Variants in NAV3 observed in about 807,000 individuals in gnomAD.
The protein encoded by NAV3 is pore membrane and/or filament interacting like protein 1.
NAV3 carries 87 observed loss-of-function variants against 244.7 expected under a neutral mutation model. The ratio of observed to expected loss-of-function variants is 0.36; its 90% CI spans 0.30 to 0.42. The LOEUF is 0.42. Ranked by LOEUF, NAV3 falls within the 20% of genes least tolerant of loss-of-function variation. NAV3 has a pLI of 1.00. For synonymous variants in NAV3, 1,126 were observed against 1,042.2 expected, an observed-to-expected ratio of 1.08 and a Z score of -1.55; for missense variants, 2,663 against 2,893.3, an observed-to-expected ratio of 0.92 and a Z score of 1.83.
chr12:78,158,133 G>A (rs548631124), intron 22 of NAV3, among the ~76,000 whole-genome samples: 9 of 152,140 alleles, frequency 5.9e-5, no homozygotes, highest in African/African-American at 1.9e-4. Context: ...ATAAGTACAT[G>A]GAGATATATT....
chr12:77,883,181 G>A (rs1882873873), intron 1 of NAV3, among the ~76,000 whole-genome samples: 1 of 152,000 alleles, frequency 6.6e-6, no homozygotes, highest in Non-Finnish European at 1.5e-5. Context: ...GACATAGAGG[G>A]AACCTAAGAA....
intron 8 of NAV3, among the ~76,000 whole-genome samples, chr12:78,014,122 T>A (rs1875780661): frequency 6.6e-6 from 1 of 152,110 alleles, no homozygotes; most frequent in African/African-American, 2.4e-5. Context: ...AATAATTGGT[T>A]AATTACAGAG....
At chr12:78,194,937 C>G (rs538858179) in intron 34 of NAV3, among the ~76,000 whole-genome samples, 15 of 152,140 alleles carry the variant, frequency 9.9e-5, no homozygotes, top group Non-Finnish European at 1.5e-4. Flanking sequence ...TCTTTACATA[C>G]TATAAACAAA....
At position 77,998,337 on chromosome 12, in the gene NAV3, G is replaced by T; in HGVS notation, c.741G>T (p.Arg247Ser). Residue 247 changes from arginine to serine, a missense_variant and splice_region_variant, in exon 7 of 40, where the codon AGG (arginine) becomes AGT (serine). Physicochemically the swap from Arg to Ser is moderately radical, Grantham distance 110. Transcript: ENST00000397909. ...TGTAATTTTTCTTATACTATTTCAG[G>T]CTTCCAGGGCCCTCTAGGGTGCCTG... is the stretch of plus-strand genomic sequence containing the variant. Reference protein sequence around the residue: ...GIATSQKKPTRLPGPSRVPAA... With the variant: ...GIATSQKKPTSLPGPSRVPAA... 6.5e-7 allele frequency: 1 copy of T among 1,547,588 alleles called. No individual in the cohort carries two copies. The highest frequency in any genetic ancestry group is 8.7e-7 in the Non-Finnish European group (1 of 1,153,426).
chr12:78,112,435 T>C (rs1955145816), intron 12 of NAV3, among the ~76,000 whole-genome samples: 1 of 151,978 alleles, frequency 6.6e-6, no homozygotes, highest in Non-Finnish European at 1.5e-5. Context: ...AAGAAAGAGG[T>C]TTAATTGACT....
intron 12 of NAV3, chr12:78,091,545 C>T (rs1378053800): frequency 1.3e-5 from 2 of 152,012 alleles, no homozygotes; most frequent in Admixed American, 1.3e-4. Context: ...GCCTGTAATC[C>T]CAGCACTTTG....
intron 5 of NAV3, among the ~76,000 whole-genome samples, chr12:77,985,342 A>C (rs556584597): frequency 6.6e-6 from 1 of 152,292 alleles, no homozygotes; most frequent in South Asian, 2.1e-4. Context: ...AGAACACTGA[A>C]CTAAGTTTAG....
At chr12:77,642,660 T>A (rs573643462) in intron 2 of NAV3, among the ~76,000 whole-genome samples, 1 of 152,162 alleles carries the variant, frequency 6.6e-6, no homozygotes, top group Admixed American at 6.6e-5. Flanking sequence ...CTGTGCAGTT[T>A]AAAAGAAACT....
At chr12:77,743,162 T>C (rs1337750694) in intron 2 of NAV3, among the ~76,000 whole-genome samples, 1 of 152,018 alleles carries the variant, frequency 6.6e-6, no homozygotes, top group Non-Finnish European at 1.5e-5. Flanking sequence ...AAATGTATTT[T>C]CCCTTCCTTG....
At chr12:77,722,988 G>T (rs1387492763) in intron 2 of NAV3, among the ~76,000 whole-genome samples, 1 of 151,898 alleles carries the variant, frequency 6.6e-6, no homozygotes, top group Non-Finnish European at 1.5e-5. Context: ...TTTTTTGAGG[G>T]GCATGATTGT....
At chr12:77,611,074 T>C (rs998682162) in intron 2 of NAV3, among the ~76,000 whole-genome samples, 2 of 151,776 alleles carry the variant, frequency 1.3e-5, no homozygotes, top group East Asian at 1.9e-4. Flanking sequence ...ATTTTGAGTG[T>C]TTAATAATAT....
intron 2 of NAV3, among the ~76,000 whole-genome samples, chr12:77,703,919 T>C (rs974083179): frequency 2.6e-5 from 4 of 152,188 alleles, no homozygotes; most frequent in African/African-American, 9.6e-5. Context: ...TTAATATGAC[T>C]CCTGGCTTAC....
At position 78,154,283 on chromosome 12, in the gene NAV3, A is replaced by AATATATAGTATATAT. The variant is rs1565731085; in HGVS notation, c.4786-4920_4786-4919insATATATAGTATATAT. Among the ~76,000 whole-genome samples, 478 of 73,396 alleles carry AATATATAGTATATAT rather than the reference A, an allele frequency of 6.5e-3. 2 individuals carry two copies. Among genetic ancestry groups the AATATATAGTATATAT allele is most frequent in the African/African-American group, 0.019 (444 of 23,452 alleles). 48.2% of individuals were successfully genotyped at this position (73,396 alleles called of 152,430 possible). On this transcript the variant is annotated intron_variant, in intron 22 of 39. Transcript: ENST00000397909. ...TAATATATAGTATATATTACTATAT[A>AATATATAGTATATAT]TACTACTATATATTACTATATAATA...
At chr12:77,632,360 A>T (rs1219483499) in intron 2 of NAV3, among the ~76,000 whole-genome samples, 2 of 152,192 alleles carry the variant, frequency 1.3e-5, no homozygotes, top group African/African-American at 4.8e-5. Context: ...ATGGACTCAG[A>T]GTTCCACGTG....
rs901604923 is a variant in NAV3 at position 78,068,604 on chromosome 12, TATTATATATAATATATA to T, written c.2636+9502_2636+9518del. Among the ~76,000 whole-genome samples, 35 of 147,484 alleles carry T rather than the reference TATTATATATAATATATA, an allele frequency of 2.4e-4. 1 individual carries two copies. Among genetic ancestry groups the T allele is most frequent in the Admixed American group, 7.5e-4 (11 of 14,656 alleles). Reference sequence around the variant, plus strand: ...TAACAGTGTTTTGTTCTTTTATATATATTATATATAATATATAATTATATATAATTACATATATATAA... The same window carrying T: ...TAACAGTGTTTTGTTCTTTTATATATATTATATATAATTACATATATATAA... On this transcript the variant is annotated intron_variant, in intron 12 of 39. Transcript: ENST00000397909.
intron 1 of NAV3, among the ~76,000 whole-genome samples, chr12:77,870,215 A>G (rs1026074425): frequency 3.3e-5 from 5 of 151,886 alleles, no homozygotes; most frequent in African/African-American, 9.7e-5. Flanking sequence ...AAATACAAAA[A>G]TTACCTCAGT....
intron 2 of NAV3, among the ~76,000 whole-genome samples, chr12:77,636,885 C>G (rs1157003995): frequency 6.6e-6 from 1 of 152,004 alleles, no homozygotes; most frequent in Admixed American, 6.6e-5. Context: ...CAAACTAACA[C>G]AAGAACAGAA....
At chr12:77,603,398 A>G (rs1994670) in intron 2 of NAV3, among the ~76,000 whole-genome samples, 44,747 of 150,198 alleles carry the variant, frequency 0.3, 7,087 homozygotes, top group Middle Eastern at 0.43. Context: ...GTGGAATAAT[A>G]CACCTTGATC....
At chr12:77,733,763 A>C (rs944472515) in intron 2 of NAV3, among the ~76,000 whole-genome samples, 1 of 151,868 alleles carries the variant, frequency 6.6e-6, no homozygotes, top group Non-Finnish European at 1.5e-5. Flanking sequence ...TTCAAGGAGA[A>C]AGTGATCAAA....
Sources: gnomAD v4.1 joint callset for allele counts (sites outside exome capture counted in the v4.1 genomes callset) on GRCh38, gnomAD v4.1.1 for gene constraint, MANE v1.5 for transcripts, NCBI Gene and HGNC (gene_info 2026-07-23, HGNC 2026-07-21) for gene names.